MAN1A1: variants seen among roughly 807,000 people sequenced by gnomAD.
The protein encoded by MAN1A1 is mannosidase alpha class 1A member 1, also known as mannosyl-oligosaccharide 1,2-alpha-mannosidase IA.
A neutral mutation model predicts 70.8 loss-of-function variants in MAN1A1; 29 were observed. That is an observed-to-expected ratio of 0.41 (90% CI 0.31 to 0.56). The LOEUF (loss-of-function observed/expected upper bound fraction) is 0.56, where lower values mean the gene tolerates loss of function less well. Among genes scored for constraint, MAN1A1 ranks in the 20% least tolerant of loss-of-function variants. The pLI, the probability that MAN1A1 is intolerant of heterozygous loss-of-function variation, is 0.29. For missense variants in MAN1A1, 747 were observed against 841.3 expected, an observed-to-expected ratio of 0.89 and a Z score of 1.39; for synonymous variants, 349 against 330.1, an observed-to-expected ratio of 1.06 and a Z score of -0.62.
At chr6:119,280,542 T>TACC (rs1243097810) in intron 5 of MAN1A1, among the ~76,000 whole-genome samples, 1 of 152,236 alleles carries the variant, frequency 6.6e-6, no homozygotes, top group African/African-American at 2.4e-5. Context: ...TGAATGAAAT[T>TACC]ACCAGATGGT....
At chr6:119,213,092 T>A (rs1366819782) in intron 6 of MAN1A1, among the ~76,000 whole-genome samples, 3 of 152,230 alleles carry the variant, frequency 2.0e-5, no homozygotes, top group African/African-American at 7.2e-5. Context: ...TAAGTTTAGA[T>A]ATTTCTCTTC....
chr6:119,306,941 C>T lies in MAN1A1; in HGVS notation c.655G>A (p.Glu219Lys). The T allele has an allele frequency of 5.6e-6, 9 of 1,601,066 alleles. No individual in the cohort carries two copies. Among genetic ancestry groups the T allele is most frequent in the Non-Finnish European group, 7.7e-6 (9 of 1,168,486 alleles). The change falls in exon 3 of 13, where the codon GAA (glutamate) becomes AAA (lysine). Residue 219 changes from glutamate to lysine, a missense_variant. By Grantham distance (56) the Glu-to-Lys change is moderately conservative. This residue lies in a region of MAN1A1 where 419 missense variants were observed against 548.2 expected (regional missense o/e 0.76). Transcript: ENST00000368468. ...CCTCCTTTTGATATAGGTTTGAGTT[C>T]ATTTAATCCCCAGGCATAACCTTTA... ...NYKGYAWGLN[E>K]LKPISKGGHS...
intron 5 of MAN1A1, among the ~76,000 whole-genome samples, chr6:119,274,537 T>A (rs755126260): frequency 3.9e-4 from 60 of 152,246 alleles, no homozygotes; most frequent in Non-Finnish European, 4.0e-4. Context: ...TTCATTTATA[T>A]CAGATATGAT....
At chr6:119,286,415 C>A (rs73519377) in intron 5 of MAN1A1, among the ~76,000 whole-genome samples, 1,537 of 152,206 alleles carry the variant, frequency 0.01, 29 homozygotes, top group African/African-American at 0.032. Context: ...CTCCACAATC[C>A]TACTCCCCTC....
chr6:119,214,256 G>A (rs988597390), intron 6 of MAN1A1, among the ~76,000 whole-genome samples: 5 of 151,844 alleles, frequency 3.3e-5, no homozygotes, highest in Admixed American at 1.3e-4. Context: ...GAGCCACTGT[G>A]CCCAGCCCTA....
chr6:119,241,944 ATGTATGTGTGTGTGTG>A (rs57208579), intron 6 of MAN1A1, among the ~76,000 whole-genome samples: 112,734 of 146,042 alleles, frequency 0.77, 42,581 homozygotes, highest in Non-Finnish European at 0.82. Flanking sequence ...GTGTGTGTGT[ATGTATGTGTGTGTGTG>A]TGTGTGTGTG....
chr6:119,307,900 A>C (rs1187045667), intron 2 of MAN1A1, among the ~76,000 whole-genome samples: 2 of 152,128 alleles, frequency 1.3e-5, no homozygotes, highest in Non-Finnish European at 2.9e-5. Flanking sequence ...GCCATTTACC[A>C]CTCAAAATCT....
chr6:119,271,291 A>G (rs1445942787), intron 5 of MAN1A1, among the ~76,000 whole-genome samples: 2 of 152,186 alleles, frequency 1.3e-5, no homozygotes, highest in African/African-American at 2.4e-5. Flanking sequence ...GGAATGCTTA[A>G]AAGACATTTA....
At chr6:119,336,465 T>G (rs1181926696) in intron 2 of MAN1A1, among the ~76,000 whole-genome samples, 1 of 152,148 alleles carries the variant, frequency 6.6e-6, no homozygotes, top group Non-Finnish European at 1.5e-5. Context: ...AAAACCTGAG[T>G]TGGGCAATAC....
chr6:119,186,772 G>A (rs546001917), intron 11 of MAN1A1, among the ~76,000 whole-genome samples: 95 of 152,286 alleles, frequency 6.2e-4, no homozygotes, highest in Non-Finnish European at 1.2e-3. Context: ...GAGGCCACGG[G>A]GGTGGGCATA....
chr6:119,225,415 GA>G (rs960452608), intron 6 of MAN1A1, among the ~76,000 whole-genome samples: 1 of 96,704 alleles, frequency 1.0e-5, no homozygotes, highest in African/African-American at 4.0e-5. Context: ...GACAGAGAGA[GA>G]AAGAGAAGGA....
chr6:119,197,837 A>C (rs572368166), intron 8 of MAN1A1, among the ~76,000 whole-genome samples: 1 of 152,022 alleles, frequency 6.6e-6, no homozygotes, highest in South Asian at 2.1e-4. Context: ...GCCCATAAGG[A>C]ATCTAAATAT....
intron 6 of MAN1A1, among the ~76,000 whole-genome samples, chr6:119,228,374 T>C (rs575830579): frequency 1.4e-4 from 21 of 152,334 alleles, no homozygotes; most frequent in African/African-American, 2.2e-4. Flanking sequence ...TGTGGTATTA[T>C]TGACTTAGGG....
intron 6 of MAN1A1, among the ~76,000 whole-genome samples, chr6:119,208,315 G>A (rs1773941640): frequency 1.3e-5 from 2 of 151,988 alleles, no homozygotes; most frequent in East Asian, 3.8e-4. Context: ...TAATGTATAT[G>A]TTTCAATTTT....
At chr6:119,182,521 GT>G (rs994910048) in intron 11 of MAN1A1, among the ~76,000 whole-genome samples, 255 of 141,904 alleles carry the variant, frequency 1.8e-3, no homozygotes, top group African/African-American at 5.4e-3. Context: ...ATTTTGAGTT[GT>G]TTTTTTTTTT....
At chr6:119,318,251 T>C (rs1278668925) in intron 2 of MAN1A1, among the ~76,000 whole-genome samples, 3 of 152,204 alleles carry the variant, frequency 2.0e-5, no homozygotes, top group East Asian at 3.8e-4. Flanking sequence ...TCAGGAAGTA[T>C]GTAAAGCATT....
At chr6:119,218,702 A>G (rs1016529576) in intron 6 of MAN1A1, among the ~76,000 whole-genome samples, 11 of 152,102 alleles carry the variant, frequency 7.2e-5, no homozygotes, top group Admixed American at 6.6e-4. Flanking sequence ...GTGAATTGGC[A>G]TGTCTACATG....
chr6:119,195,320 A>G (rs1773540064), intron 8 of MAN1A1, among the ~76,000 whole-genome samples: 1 of 152,070 alleles, frequency 6.6e-6, no homozygotes, highest in African/African-American at 2.4e-5. Flanking sequence ...ACTTGCTATA[A>G]AGCCCTTCTT....
intron 3 of MAN1A1, among the ~76,000 whole-genome samples, chr6:119,302,384 C>A (rs1342303776): frequency 6.6e-6 from 1 of 151,554 alleles, no homozygotes; most frequent in Non-Finnish European, 1.5e-5. Context: ...TGCATTCTCT[C>A]TCTTTTTTTT....
Sources: gnomAD v4.1 joint callset for allele counts (sites outside exome capture counted in the v4.1 genomes callset) on GRCh38, gnomAD v4.1.1 for gene constraint, gnomAD v4.1.1 regional missense constraint, MANE v1.5 for transcripts, NCBI Gene and HGNC (gene_info 2026-07-23, HGNC 2026-07-21) for gene names.